FUT9: variants seen among roughly 807,000 people sequenced by gnomAD.
The protein encoded by FUT9 is fucosyltransferase 9.
FUT9 carries 15 observed loss-of-function variants against 29.7 expected under a neutral mutation model. The observed-to-expected ratio is 0.51, with a 90% CI of 0.34 to 0.78. FUT9 has a LOEUF of 0.78. Ranked by LOEUF, FUT9 falls within the 30% of genes least tolerant of loss-of-function variation. The probability of loss-of-function intolerance (pLI) is 0.01; values close to 1 mark genes in which losing one functional copy is unlikely to be tolerated. For synonymous variants in FUT9, 169 were observed against 153.7 expected (o/e 1.10, Z -0.74); for missense variants, 319 against 425.4 (o/e 0.75, Z 2.20).
intron 2 of FUT9, among the ~76,000 whole-genome samples, chr6:96,178,785 A>G (rs1163178080): frequency 5.3e-5 from 8 of 152,254 alleles, no homozygotes; most frequent in African/African-American, 1.2e-4. Flanking sequence ...ACCTATCATT[A>G]TGTTAATCAT....
At chr6:96,137,598 G>C (rs1315807293) in intron 2 of FUT9, among the ~76,000 whole-genome samples, 5 of 151,892 alleles carry the variant, frequency 3.3e-5, no homozygotes, top group African/African-American at 1.2e-4. Flanking sequence ...CATCAAGAGT[G>C]GTAAGTTGTA....
At chr6:96,185,777 T>C (rs925636639) in intron 2 of FUT9, among the ~76,000 whole-genome samples, 6 of 152,130 alleles carry the variant, frequency 3.9e-5, no homozygotes, top group African/African-American at 1.4e-4. Flanking sequence ...TTCTATTGTG[T>C]TCACAAAATA....
intron 2 of FUT9, among the ~76,000 whole-genome samples, chr6:96,115,769 A>G (rs1013000933): frequency 6.6e-6 from 1 of 152,322 alleles, no homozygotes; most frequent in Middle Eastern, 3.4e-3. Context: ...TAAACTTATT[A>G]CTTAAAATGG....
At chr6:96,164,744 G>A (rs1772982834) in intron 2 of FUT9, among the ~76,000 whole-genome samples, 1 of 152,174 alleles carries the variant, frequency 6.6e-6, no homozygotes, top group Non-Finnish European at 1.5e-5. Context: ...CGTGTTTCTG[G>A]TTTATTTTAG....
intron 1 of FUT9, among the ~76,000 whole-genome samples, chr6:96,078,174 T>C (rs1168058783): frequency 6.6e-6 from 1 of 152,118 alleles, no homozygotes; most frequent in African/African-American, 2.4e-5. Context: ...TTCAATTTTT[T>C]CTACATTCCG....
chr6:96,121,874 T>C (rs1772035065), intron 2 of FUT9, among the ~76,000 whole-genome samples: 1 of 151,980 alleles, frequency 6.6e-6, no homozygotes, highest in Admixed American at 6.6e-5. Context: ...TGCTAAAGGG[T>C]AAAACCTAGT....
intron 1 of FUT9, among the ~76,000 whole-genome samples, chr6:96,071,271 G>A (rs1426222890): frequency 2.6e-5 from 4 of 152,192 alleles, no homozygotes; most frequent in Non-Finnish European, 5.9e-5. Flanking sequence ...AACAGCTCCT[G>A]TAAGTGAGGA....
chr6:96,029,393 A>G (rs1354796709), intron 1 of FUT9, among the ~76,000 whole-genome samples: 3 of 151,478 alleles, frequency 2.0e-5, no homozygotes, highest in Non-Finnish European at 4.4e-5. Context: ...GCCTCTTGGT[A>G]ATACAGGTGC....
chr6:96,055,675 T>C (rs997170322), intron 1 of FUT9, among the ~76,000 whole-genome samples: 6 of 150,860 alleles, frequency 4.0e-5, no homozygotes, highest in Non-Finnish European at 8.9e-5. Flanking sequence ...TTGTTTTTTG[T>C]TTTCGTTTTT....
intron 1 of FUT9, among the ~76,000 whole-genome samples, chr6:96,053,957 A>G: frequency 6.6e-6 from 1 of 152,164 alleles, no homozygotes; most frequent in East Asian, 1.9e-4. Context: ...TATAAAATAA[A>G]TAAATCAGGT....
chr6:96,161,801 A>G (rs1424121011), intron 2 of FUT9, among the ~76,000 whole-genome samples: 1 of 152,228 alleles, frequency 6.6e-6, no homozygotes, highest in East Asian at 1.9e-4. Flanking sequence ...AAAAAAATAC[A>G]TCCACTTCAC....
intron 1 of FUT9, among the ~76,000 whole-genome samples, chr6:96,112,199 A>G (rs966232049): frequency 2.6e-5 from 4 of 152,166 alleles, no homozygotes; most frequent in African/African-American, 9.7e-5. Flanking sequence ...CAGCTTCTTA[A>G]TATGTACCAG....
rs528711485 is a variant in FUT9, at chr6:96,206,571, T to C, written c.*2336T>C. On this transcript the variant is annotated 3_prime_UTR_variant, in exon 3 of 3. Transcript: ENST00000302103. Reference sequence around the variant, plus strand: ...TCGGCCTCCCAGGTTCAAGTGATTCTCCTGTATCAGCCTCCCGAGTAGCTA... The same window carrying C: ...TCGGCCTCCCAGGTTCAAGTGATTCCCCTGTATCAGCCTCCCGAGTAGCTA... The C allele has an allele frequency of 6.0e-6, 1 of 166,392 alleles. No individual in the cohort carries two copies. Among genetic ancestry groups the C allele is most frequent in the South Asian group, 2.1e-4 (1 of 4,820 alleles). The allele number at this position is 166,392 out of a possible 1,614,324, so 10.3% of individuals were successfully genotyped here. A position where few individuals can be genotyped will look rare whatever the true frequency, so the allele number is the denominator to read the frequency against.
At chr6:96,061,984 C>T (rs572048199) in intron 1 of FUT9, among the ~76,000 whole-genome samples, 5 of 152,218 alleles carry the variant, frequency 3.3e-5, no homozygotes, top group East Asian at 3.9e-4. Flanking sequence ...GAAGTCAATT[C>T]GATCTTTACC....
chr6:96,183,146 G>T (rs1396226143), intron 2 of FUT9, among the ~76,000 whole-genome samples: 1 of 151,884 alleles, frequency 6.6e-6, no homozygotes. Context: ...CCTTGTAGAG[G>T]TATTTCACCT....
intron 1 of FUT9, among the ~76,000 whole-genome samples, chr6:96,084,569 G>T (rs1771286608): frequency 6.6e-6 from 1 of 152,088 alleles, no homozygotes; most frequent in South Asian, 2.1e-4. Context: ...GTTTGTGACT[G>T]ACTGTGCGAA....
At chr6:96,028,923 T>C (rs1304475783) in intron 1 of FUT9, among the ~76,000 whole-genome samples, 1 of 151,604 alleles carries the variant, frequency 6.6e-6, no homozygotes, top group Admixed American at 6.6e-5. Context: ...TTAAAACTCA[T>C]GAACAGGAGG....
chr6:96,204,251 G>A lies in FUT9; in HGVS notation c.*16G>A, dbSNP rs1404425256. On this transcript the variant is annotated 3_prime_UTR_variant, in exon 3 of 3. Transcript: ENST00000302103. The stretch of plus-strand genomic sequence containing the variant: ...TTGGAATTAAAATTTTTCATCACTT[G>A]CACACTTGATAAATATTTTGATGAG... 1.4e-6 allele frequency: 2 copies of A among 1,412,966 alleles called. No individual in the cohort carries two copies. Among genetic ancestry groups the A allele is most frequent in the Admixed American group, 2.6e-5 (1 of 38,408 alleles). 87.5% of individuals were successfully genotyped at this position (1,412,966 alleles called of 1,614,324 possible). A position where few individuals can be genotyped will look rare whatever the true frequency, so the allele number is the denominator to read the frequency against.
chr6:96,106,912 T>A (rs762604614), intron 1 of FUT9, among the ~76,000 whole-genome samples: 12 of 152,216 alleles, frequency 7.9e-5, no homozygotes, highest in Non-Finnish European at 1.3e-4. Flanking sequence ...AATAAAAAAA[T>A]TCATTTTGGT....
Sources: gnomAD v4.1 joint callset for allele counts (sites outside exome capture counted in the v4.1 genomes callset) on GRCh38, gnomAD v4.1.1 for gene constraint, MANE v1.5 for transcripts, NCBI Gene and HGNC (gene_info 2026-07-23, HGNC 2026-07-21) for gene names.